Variants in GCLM observed in about 807,000 individuals in gnomAD.
GCLM encodes the protein glutamate-cysteine ligase modifier subunit.
In GCLM, 15 loss-of-function variants were observed where a neutral mutation model predicts 36.0. The observed-to-expected ratio is 0.42, with a 90% CI of 0.28 to 0.64. The LOEUF is 0.64. GCLM is among the 30% of genes least tolerant of loss of function. The pLI is 0.25. For missense variants in GCLM, 242 were observed against 325.5 expected (o/e 0.74, Z 1.97); for synonymous variants, 129 against 122.8 (o/e 1.05, Z -0.34).
chr1:93,897,318 T>G (rs1656766953), intron 4 of GCLM, among the ~76,000 whole-genome samples: 1 of 152,154 alleles, frequency 6.6e-6, no homozygotes, highest in Admixed American at 6.5e-5. Flanking sequence ...TTTATAGAGG[T>G]AGATAATTTC....
At chr1:93,902,300 TC>T (rs1656981158) in intron 2 of GCLM, among the ~76,000 whole-genome samples, 1 of 151,806 alleles carries the variant, frequency 6.6e-6, no homozygotes, top group Admixed American at 6.6e-5. Context: ...TGCCTCAGTG[TC>T]CCGAGTAGCT....
rs1430786781 is a variant in GCLM, at chr1:93,901,686, A to G, written c.193-17T>C. ...TGGAAACTCCTATAATAAACACAAT[A>G]TTTAAAACAAATATAAAATTTAATG... On this transcript the variant is annotated splice_polypyrimidine_tract_variant and intron_variant, in intron 2 of 6. Transcript: ENST00000370238. 8.1e-6 allele frequency: 10 copies of G among 1,238,930 alleles called. No individual in the cohort carries two copies. The Admixed American group carries it at 1.9e-4, about 23-fold the overall frequency. 76.7% of individuals were successfully genotyped at this position (1,238,930 alleles called of 1,614,324 possible).
chr1:93,891,208 C>T (rs1656523090), intron 6 of GCLM, among the ~76,000 whole-genome samples: 2 of 152,110 alleles, frequency 1.3e-5, no homozygotes, highest in African/African-American at 4.8e-5. Flanking sequence ...TATATCCAAG[C>T]TCTCTATGAC....
In GCLM at chr1:93,885,882, T is replaced by C. The variant is rs1448601782; in HGVS notation, c.*3108A>G. On this transcript the variant is annotated 3_prime_UTR_variant, in exon 7 of 7. Transcript: ENST00000370238. Reference sequence around the variant, plus strand: ...TCATTGAAAATTAAGATCCTAATTTTAGTTACTGCTTGGCTGTGGTATGGG... The same window carrying C: ...TCATTGAAAATTAAGATCCTAATTTCAGTTACTGCTTGGCTGTGGTATGGG... 1 of 152,202 alleles carries C rather than the reference T, an allele frequency of 6.6e-6. No homozygotes were observed. The highest frequency in any genetic ancestry group is 1.9e-4 in the East Asian group (1 of 5,204). The allele number at this position is 152,202 out of a possible 1,614,324, so 9.4% of individuals were successfully genotyped here. A position where few individuals can be genotyped will look rare whatever the true frequency, so the allele number is the denominator to read the frequency against.
chr1:93,889,512 T>C (rs954503097), intron 6 of GCLM, among the ~76,000 whole-genome samples: 1 of 152,076 alleles, frequency 6.6e-6, no homozygotes, highest in Admixed American at 6.5e-5. Flanking sequence ...TCCTATCAAT[T>C]GGAGATGATA....
At chr1:93,907,589 CAAT>C (rs1382160999) in intron 1 of GCLM, among the ~76,000 whole-genome samples, 1 of 152,028 alleles carries the variant, frequency 6.6e-6, no homozygotes, top group African/African-American at 2.4e-5. Flanking sequence ...AAATTTCACC[CAAT>C]AATATCAATA....
chr1:93,894,526 G>T, intron 6 of GCLM, 88 bp downstream of exon 6: 1 of 731,662 alleles, frequency 1.4e-6, no homozygotes. Context: ...TTTTATCACT[G>T]TCCACATTTA....
intron 6 of GCLM, among the ~76,000 whole-genome samples, chr1:93,893,620 G>A (rs965660872): frequency 2.0e-5 from 3 of 152,016 alleles, no homozygotes; most frequent in East Asian, 1.9e-4. Flanking sequence ...AAATGTCATC[G>A]AGAATTAAAA....
rs184840948 is a variant in GCLM, at chr1:93,907,092, T to C, written c.126+1946A>G. Reference sequence around the variant, plus strand: ...TGATTTGTTCAGTTTACTTAATTTCTTCAGTGAAGCGGAACTGTTCCAAGT... The same window carrying C: ...TGATTTGTTCAGTTTACTTAATTTCCTCAGTGAAGCGGAACTGTTCCAAGT... On this transcript the variant is annotated intron_variant, in intron 1 of 6. Transcript: ENST00000370238. Among the ~76,000 whole-genome samples, 5 of 152,354 alleles carry C rather than the reference T, an allele frequency of 3.3e-5. No homozygotes were observed. In the East Asian group the frequency reaches 9.6e-4, roughly 29 times the overall value.
chr1:93,899,121 C>T (rs1456210492), intron 3 of GCLM, among the ~76,000 whole-genome samples: 2 of 151,538 alleles, frequency 1.3e-5, no homozygotes, highest in Admixed American at 6.6e-5. Flanking sequence ...CAGAGTCTCA[C>T]TCTGTCGCCC....
rs760333247 is a variant in GCLM, at chr1:93,900,190, CTA to C, written c.277+1393_277+1394del. On this transcript the variant is annotated intron_variant, in intron 3 of 6. Transcript: ENST00000370238. Reference sequence around the variant, plus strand: ...TACTATTTTGGTCTAACTTTAGCCCCTATAACTCTATGAAAGCCCCCCCCAAT... The same window carrying C: ...TACTATTTTGGTCTAACTTTAGCCCCTAACTCTATGAAAGCCCCCCCCAAT... 4.6e-4 allele frequency among the ~76,000 whole-genome samples: 70 copies of C among 152,080 alleles called. 2 individuals are homozygous for C. The highest frequency in any genetic ancestry group is 1.5e-4 in the Non-Finnish European group (10 of 68,016).
intron 2 of GCLM, among the ~76,000 whole-genome samples, chr1:93,902,906 T>G (rs1194440255): frequency 1.3e-5 from 2 of 152,200 alleles, no homozygotes; most frequent in Admixed American, 1.3e-4. Context: ...CTACATAGTT[T>G]TGTTTTTTCC....
At chr1:93,900,053 A>G (rs1484093824) in intron 3 of GCLM, among the ~76,000 whole-genome samples, 6 of 152,178 alleles carry the variant, frequency 3.9e-5, no homozygotes, top group African/African-American at 1.4e-4. Context: ...CGTTTCTTAT[A>G]TGAGTCCCTT....
Position 93,885,604 on chromosome 1 carries a change from G to A in GCLM, c.*3386C>T, listed in dbSNP as rs1321089990. The A allele has an allele frequency of 6.6e-6, 1 of 152,168 alleles. No homozygotes were observed. Among genetic ancestry groups the A allele is most frequent in the Non-Finnish European group, 1.5e-5 (1 of 68,012 alleles). The allele number at this position is 152,168 out of a possible 1,614,324, so 9.4% of individuals were successfully genotyped here. A position where few individuals can be genotyped will look rare whatever the true frequency, so the allele number is the denominator to read the frequency against. On this transcript the variant is annotated 3_prime_UTR_variant, in exon 7 of 7. Transcript: ENST00000370238. Reference sequence around the variant, plus strand: ...TGTTCTGGTATATTAGGAAGTTAATGATGAAAAATATAGGTTCAGAATTTT... The same window carrying A: ...TGTTCTGGTATATTAGGAAGTTAATAATGAAAAATATAGGTTCAGAATTTT...
chr1:93,903,191 A>C (rs1657022532), intron 2 of GCLM, among the ~76,000 whole-genome samples: 2 of 152,148 alleles, frequency 1.3e-5, no homozygotes, highest in Non-Finnish European at 2.9e-5. Flanking sequence ...TGTGTGTGGA[A>C]ATAAGTTCTT....
rs1230303292 is a variant in GCLM at position 93,886,942 on chromosome 1, G to C, written c.*2048C>G. ...ATATAAAGGCTAGAAGGCATAAGTA[G>C]CTCAATATCTAAACAAGTTTTCCCA... On this transcript the variant is annotated 3_prime_UTR_variant, in exon 7 of 7. Transcript: ENST00000370238. 6.6e-6 allele frequency: 1 copy of C among 151,182 alleles called. No individual in the cohort carries two copies. The highest frequency in any genetic ancestry group is 1.5e-5 in the Non-Finnish European group (1 of 67,928). 9.4% of individuals were successfully genotyped at this position (151,182 alleles called of 1,614,324 possible).
In GCLM at chr1:93,889,106, T is replaced by C; in HGVS notation, c.709A>G (p.Ile237Val). Residue 237 changes from isoleucine (I) to valine (V), a missense_variant, in exon 7 of 7, where the codon ATT becomes GTT. Transcript: ENST00000370238. ...QEALQESIPD[I>V]QAHEWVPLWL... is the part of the protein sequence containing the mutation. ...AGCGGCACCCACTCGTGCGCTTGAA[T>C]GTCAGGAATGCTTTCCTGAAGAGCT... 1 of 1,601,458 alleles carries C rather than the reference T, an allele frequency of 6.2e-7. No individual in the cohort carries two copies. Among genetic ancestry groups the C allele is most frequent in the South Asian group, 1.1e-5 (1 of 88,922 alleles).
intron 3 of GCLM, among the ~76,000 whole-genome samples, chr1:93,900,194 A>G (rs563966743): frequency 9.2e-5 from 14 of 152,182 alleles, no homozygotes; most frequent in Admixed American, 6.6e-5. Flanking sequence ...TAGCCCCTAT[A>G]ACTCTATGAA....
At chr1:93,905,884 C>T (rs1657131822) in intron 1 of GCLM, among the ~76,000 whole-genome samples, 1 of 152,162 alleles carries the variant, frequency 6.6e-6, no homozygotes, top group Admixed American at 6.5e-5. Flanking sequence ...TGGGCCAAAC[C>T]TGGCAATCTG....
Sources: gnomAD v4.1 joint callset for allele counts (sites outside exome capture counted in the v4.1 genomes callset) on GRCh38, gnomAD v4.1.1 for gene constraint, MANE v1.5 for transcripts, NCBI Gene and HGNC (gene_info 2026-07-23, HGNC 2026-07-21) for gene names.